Variants in RBFOX1 observed in about 807,000 individuals in gnomAD.
RBFOX1 encodes the protein RNA binding protein fox-1 homolog 1.
In RBFOX1, 8 loss-of-function variants were observed where a neutral mutation model predicts 57.7. That is an observed-to-expected ratio of 0.14 (90% CI 0.08 to 0.25). The LOEUF is 0.25. Ranked by LOEUF, RBFOX1 falls within the 10% of genes least tolerant of loss-of-function variation. The pLI is 1.00. For missense variants in RBFOX1, 611 were observed against 548.5 expected (o/e 1.11, Z -1.14); for synonymous variants, 326 against 222.4 (o/e 1.47, Z -4.15).
intron 1 of RBFOX1, among the ~76,000 whole-genome samples, chr16:6,138,815 C>T (rs185345208): frequency 1.2e-4 from 18 of 152,184 alleles, no homozygotes; most frequent in African/African-American, 3.6e-4. Context: ...TGCAGTGAGC[C>T]GAGATTGCGC....
chr16:5,285,691 A>G (rs1295244076), intron 1 of RBFOX1, among the ~76,000 whole-genome samples: 1 of 152,196 alleles, frequency 6.6e-6, no homozygotes, highest in Non-Finnish European at 1.5e-5. Context: ...GTACAGTGAT[A>G]TAGTCTGCAT....
chr16:6,627,424 A>G (rs899516503), intron 2 of RBFOX1, among the ~76,000 whole-genome samples: 10 of 152,148 alleles, frequency 6.6e-5, no homozygotes, highest in East Asian at 1.9e-4. Context: ...AAACTTTTCC[A>G]TTTTGAAAAG....
chr16:5,889,650 T>C (rs1481883993), intron 4 of RBFOX1, among the ~76,000 whole-genome samples: 1 of 152,244 alleles, frequency 6.6e-6, no homozygotes, highest in Admixed American at 6.5e-5. Context: ...ACACATGTCC[T>C]CGTGCACTGA....
At chr16:5,431,785 G>A (rs1046643635) in intron 1 of RBFOX1, among the ~76,000 whole-genome samples, 27 of 152,170 alleles carry the variant, frequency 1.8e-4, no homozygotes, top group African/African-American at 6.3e-4. Flanking sequence ...TTATGCTGCA[G>A]GAAGCCTGGC....
intron 1 of RBFOX1, among the ~76,000 whole-genome samples, chr16:5,422,421 G>A (rs1296778696): frequency 2.9e-5 from 4 of 137,176 alleles, no homozygotes; most frequent in South Asian, 2.6e-4. Context: ...AGAGGAAGGA[G>A]GAGGGAGAGG....
rs78402868 is a variant in RBFOX1, at chr16:6,353,370, A to G, written c.-64+36313A>G. Among the ~76,000 whole-genome samples the G allele has an allele frequency of 4.5e-4, 68 of 151,856 alleles. No homozygotes were observed. In the East Asian group the frequency reaches 7.9e-3, roughly 18 times the overall value. ...TGCTTGTTTGTTTTTTGGGATGGGT[A>G]TTAGCTCATTTGCCATCCTAGATAC... On this transcript the variant is annotated intron_variant, in intron 2 of 15. Coordinates refer to ENST00000550418, the MANE Select transcript of RBFOX1 (RefSeq NM_018723.4).
At position 5,378,653 on chromosome 16, in the gene RBFOX1, A is replaced by T. The variant is rs144489786; in HGVS notation, c.220-88563A>T. Among the ~76,000 whole-genome samples the T allele has an allele frequency of 3.7e-3, 566 of 151,584 alleles. 23 individuals carry two copies. Among genetic ancestry groups the T allele is most frequent in the African/African-American group, 0.013 (530 of 40,850 alleles). On this transcript the variant is annotated intron_variant, in intron 1 of 2. Coordinates refer to the RBFOX1 transcript ENST00000585867. ...CCTGGGTAAACTGGGATGGTTGGTC[A>T]CACTGCTGGAGAGGAAGAGTTTCTG...
intron 2 of RBFOX1, among the ~76,000 whole-genome samples, chr16:5,530,188 A>G (rs2044411047): frequency 6.6e-6 from 1 of 152,162 alleles, no homozygotes; most frequent in South Asian, 2.1e-4. Context: ...AATTGAAAGA[A>G]CCTTATTCCC....
intron 3 of RBFOX1, among the ~76,000 whole-genome samples, chr16:6,676,127 GACACACACACACGCGC>G (rs1314018902): frequency 1.6e-5 from 2 of 125,492 alleles, no homozygotes; most frequent in African/African-American, 6.4e-5. Context: ...CTGCCTAGGG[GACACACACACACGCGC>G]ACACACACAC....
At chr16:7,698,046 A>C (rs1017912912) in intron 14 of RBFOX1, among the ~76,000 whole-genome samples, 9 of 152,152 alleles carry the variant, frequency 5.9e-5, no homozygotes, top group Admixed American at 4.6e-4. Flanking sequence ...AGGGTTAAAC[A>C]GGCCAAGTGT....
chr16:6,905,820 A>T (rs369497482), intron 3 of RBFOX1, among the ~76,000 whole-genome samples: 26 of 152,216 alleles, frequency 1.7e-4, no homozygotes, highest in African/African-American at 6.0e-4. Context: ...CTGCCTTGGC[A>T]CGGTGGTATT....
chr16:6,132,951 C>T (rs940740011), intron 1 of RBFOX1, among the ~76,000 whole-genome samples: 3 of 143,786 alleles, frequency 2.1e-5, no homozygotes, highest in African/African-American at 5.3e-5. Flanking sequence ...GGCAACAGAA[C>T]GAGACTCTGT....
At chr16:5,481,698 G>A (rs999981585) in intron 2 of RBFOX1, among the ~76,000 whole-genome samples, 10 of 152,198 alleles carry the variant, frequency 6.6e-5, no homozygotes, top group African/African-American at 2.4e-4. Context: ...AAGTACCACA[G>A]CCCGTGTGGC....
chr16:7,676,267 A>G (rs1356249439), intron 13 of RBFOX1, among the ~76,000 whole-genome samples: 2 of 152,238 alleles, frequency 1.3e-5, no homozygotes, highest in Non-Finnish European at 2.9e-5. Flanking sequence ...GTGGTTTAAC[A>G]ACCAGATAGG....
At chr16:6,142,751 A>G (rs2096728532) in intron 1 of RBFOX1, among the ~76,000 whole-genome samples, 1 of 152,156 alleles carries the variant, frequency 6.6e-6, no homozygotes, top group Admixed American at 6.5e-5. Context: ...GCCTTCTCCT[A>G]AATTGTTCCA....
rs750367053 is a variant in RBFOX1, at chr16:7,198,855, C to G, written c.27+146757C>G. On this transcript the variant is annotated intron_variant, in intron 4 of 15. Transcript: ENST00000550418. ...TTTGGGGGACACATTGAAACCATAG[C>G]ACACTATCAGAGGCAAAATATAGTG... Among the ~76,000 whole-genome samples the G allele has an allele frequency of 2.6e-5, 4 of 152,282 alleles. No individual in the cohort carries two copies. The East Asian group carries it at 5.8e-4, about 22-fold the overall frequency.
intron 2 of RBFOX1, among the ~76,000 whole-genome samples, chr16:6,458,744 C>T (rs1380557839): frequency 6.6e-6 from 1 of 152,224 alleles, no homozygotes; most frequent in Non-Finnish European, 1.5e-5. Context: ...AAAACGGTAT[C>T]TGTGTTAAAG....
intron 5 of RBFOX1, among the ~76,000 whole-genome samples, chr16:7,557,667 T>A (rs2089088865): frequency 6.8e-6 from 1 of 147,912 alleles, no homozygotes; most frequent in Non-Finnish European, 1.5e-5. Flanking sequence ...AAAAGCATTT[T>A]CTTAAACTGT....
chr16:6,828,080 C>T (rs1428356815), intron 3 of RBFOX1, among the ~76,000 whole-genome samples: 1 of 152,110 alleles, frequency 6.6e-6, no homozygotes, highest in Non-Finnish European at 1.5e-5. Context: ...AAGATGCATG[C>T]AGTTATGAAG....
Sources: allele counts gnomAD v4.1 joint callset (sites outside exome capture counted in the v4.1 genomes callset), GRCh38; gene constraint gnomAD v4.1.1; transcripts MANE v1.5; gene names NCBI Gene and HGNC (gene_info 2026-07-23, HGNC 2026-07-21).